CDYL: variants seen among roughly 807,000 people sequenced by gnomAD.
CDYL encodes chromodomain Y-like protein.
CDYL carries 8 observed loss-of-function variants against 47.3 expected under a neutral mutation model. The ratio of observed to expected loss-of-function variants is 0.17; its 90% CI spans 0.10 to 0.31. The LOEUF is 0.31. CDYL is among the 10% of genes least tolerant of loss of function. The pLI, the probability that CDYL is intolerant of heterozygous loss-of-function variation, is 1.00. For synonymous variants in CDYL, 266 were observed against 265.0 expected (o/e 1.00, Z -0.04); for missense variants, 471 against 701.4 (o/e 0.67, Z 3.71).
At chr6:4,724,328 G>C (rs928042435) in intron 2 of CDYL, 1 of 152,060 alleles carries the variant, frequency 6.6e-6, no homozygotes, top group Non-Finnish European at 1.5e-5. Context: ...TGGGATTATA[G>C]ACGTGAGCCA....
At chr6:4,934,903 A>G (rs1432151082) in intron 2 of CDYL, among the ~76,000 whole-genome samples, 1 of 152,202 alleles carries the variant, frequency 6.6e-6, no homozygotes, top group African/African-American at 2.4e-5. Context: ...CAGCTGCTTA[A>G]CAGGGCTGTT....
chr6:4,894,933 G>GTGTATATGTA (rs1762167131), intron 2 of CDYL, among the ~76,000 whole-genome samples: 1 of 17,326 alleles, frequency 5.8e-5, no homozygotes, highest in Non-Finnish European at 2.1e-3. Context: ...ATATGTATGT[G>GTGTATATGTA]TGTATATGTG....
At chr6:4,853,817 A>G (rs138587679) in intron 1 of CDYL, among the ~76,000 whole-genome samples, 1 of 152,226 alleles carries the variant, frequency 6.6e-6, no homozygotes, top group East Asian at 1.9e-4. Flanking sequence ...TTCTCCTGCC[A>G]TGCCACAGCA....
At chr6:4,810,742 C>G (rs1324252894) in intron 1 of CDYL, among the ~76,000 whole-genome samples, 1 of 152,158 alleles carries the variant, frequency 6.6e-6, no homozygotes, top group Non-Finnish European at 1.5e-5. Flanking sequence ...TGCTCTCTGC[C>G]CTTCTCACAG....
intron 3 of CDYL, among the ~76,000 whole-genome samples, chr6:4,743,256 G>A (rs1449741839): frequency 6.6e-6 from 1 of 152,186 alleles, no homozygotes; most frequent in African/African-American, 2.4e-5. Flanking sequence ...TGGGGCCACA[G>A]CCTTATCTCC....
At chr6:4,894,874 CAT>C (rs59710873) in intron 2 of CDYL, among the ~76,000 whole-genome samples, 130,925 of 147,618 alleles carry the variant, frequency 0.89, 58,590 homozygotes, top group South Asian at 0.96. Context: ...TATATACACA[CAT>C]GTGTATGTGT....
At chr6:4,921,924 C>T (rs982132120) in intron 2 of CDYL, among the ~76,000 whole-genome samples, 12 of 152,304 alleles carry the variant, frequency 7.9e-5, no homozygotes, top group Non-Finnish European at 1.8e-4. Flanking sequence ...ATATTCCTAA[C>T]CTCCGTGGAG....
At chr6:4,903,030 C>T (rs1315794114) in intron 2 of CDYL, among the ~76,000 whole-genome samples, 3 of 152,118 alleles carry the variant, frequency 2.0e-5, no homozygotes, top group African/African-American at 7.2e-5. Context: ...TTAACATTTG[C>T]GTGTACATGA....
intron 1 of CDYL, among the ~76,000 whole-genome samples, chr6:4,788,913 A>T (rs1365133052): frequency 6.6e-6 from 1 of 151,838 alleles, no homozygotes; most frequent in Non-Finnish European, 1.5e-5. Context: ...TGCCAGGTGG[A>T]CCAGCCTCTG....
chr6:4,898,158 G>C (rs1762341271), intron 2 of CDYL, among the ~76,000 whole-genome samples: 1 of 152,072 alleles, frequency 6.6e-6, no homozygotes, highest in African/African-American at 2.4e-5. Flanking sequence ...GTAAATCAAG[G>C]CTACAGTGAG....
chr6:4,729,069 T>A (rs1757560186), intron 2 of CDYL, among the ~76,000 whole-genome samples: 1 of 152,120 alleles, frequency 6.6e-6, no homozygotes, highest in Non-Finnish European at 1.5e-5. Context: ...TTTAATGTCT[T>A]CTCTCTGCCT....
chr6:4,935,274 C>A (rs1758155835), intron 2 of CDYL, among the ~76,000 whole-genome samples: 1 of 152,094 alleles, frequency 6.6e-6, no homozygotes, highest in African/African-American at 2.4e-5. Context: ...CAATAAGTAC[C>A]TCTCCATCTG....
rs1487999968 is a variant in CDYL at position 4,726,818 on chromosome 6, AC to A, written c.104-7943del. 1.6e-3 allele frequency among the ~76,000 whole-genome samples: 240 copies of A among 152,338 alleles called. 4 individuals carry two copies. The highest frequency in any genetic ancestry group is 5.3e-3 in the African/African-American group (222 of 41,560). On this transcript the variant is annotated intron_variant, in intron 2 of 8. Transcript: ENST00000328908. ...ATGGCAGCTAATGTCTCATGAAAAG[AC>A]AAGTCTCCATGTGAAGGGTGCTTAT...
At chr6:4,917,788 C>T (rs1757598155) in intron 2 of CDYL, among the ~76,000 whole-genome samples, 1 of 152,214 alleles carries the variant, frequency 6.6e-6, no homozygotes, top group Non-Finnish European at 1.5e-5. Context: ...TATCAGCAAA[C>T]ACCTTGAACC....
At chr6:4,890,259 AT>A in intron 1 of CDYL, 1 of 640,928 alleles carries the variant, frequency 1.6e-6, no homozygotes, top group Non-Finnish European at 1.9e-6. Flanking sequence ...TTCCAGAAAT[AT>A]GTCTTTTACT....
chr6:4,797,571 AG>A (rs1419668489), intron 1 of CDYL, among the ~76,000 whole-genome samples: 5 of 152,200 alleles, frequency 3.3e-5, no homozygotes, highest in African/African-American at 9.6e-5. Context: ...CCTTTTGGAA[AG>A]AAACTCCATG....
intron 1 of CDYL, among the ~76,000 whole-genome samples, chr6:4,851,774 A>G (rs1760836197): frequency 1.3e-5 from 2 of 152,216 alleles, no homozygotes; most frequent in African/African-American, 4.8e-5. Context: ...GAAGATGCAC[A>G]TGGCTGTCAT....
chr6:4,848,116 A>G (rs1167900728), intron 1 of CDYL, among the ~76,000 whole-genome samples: 1 of 152,228 alleles, frequency 6.6e-6, no homozygotes, highest in East Asian at 1.9e-4. Context: ...AACCATAGTT[A>G]CATATGATTC....
intron 1 of CDYL, among the ~76,000 whole-genome samples, chr6:4,832,098 A>T (rs1238918575): frequency 1.3e-5 from 2 of 151,874 alleles, no homozygotes; most frequent in Admixed American, 6.6e-5. Context: ...CCTGGCCAGA[A>T]CTTCCAACAC....
Sources: gnomAD v4.1 joint callset for allele counts (sites outside exome capture counted in the v4.1 genomes callset) on GRCh38, gnomAD v4.1.1 for gene constraint, MANE v1.5 for transcripts, NCBI Gene and HGNC (gene_info 2026-07-23, HGNC 2026-07-21) for gene names.